Variants in MPO observed in about 807,000 individuals in gnomAD.
MPO encodes the protein myeloperoxidase.
In MPO, 57 loss-of-function variants were observed where a neutral mutation model predicts 69.4. That is an observed-to-expected ratio of 0.82 (90% CI 0.66 to 1.02). The LOEUF (loss-of-function observed/expected upper bound fraction) is 1.02. MPO is among the 50% of genes least tolerant of loss of function. MPO has a pLI of 0.00. For synonymous variants in MPO, 426 were observed against 417.1 expected, an observed-to-expected ratio of 1.02 and a Z score of -0.26; for missense variants, 971 against 1,014.1, an observed-to-expected ratio of 0.96 and a Z score of 0.58.
At position 58,279,177 on chromosome 17, in the gene MPO, G is replaced by T. The variant is rs139494856; in HGVS notation, c.716C>A (p.Thr239Asn). 1 of 1,610,944 alleles carries T rather than the reference G, an allele frequency of 6.2e-7. No homozygotes were observed. The highest frequency in any genetic ancestry group is 1.1e-5 in the South Asian group (1 of 90,414). Reference sequence around the variant, plus strand: ...CTCCTGGTCCGGAGTCAGCTGATCAGTGGGGAAGCGCACGATCTCGTTGGA... The same window carrying T: ...CTCCTGGTCCGGAGTCAGCTGATCATTGGGGAAGCGCACGATCTCGTTGGA... Reference protein sequence around the residue: ...AVSNEIVRFPTDQLTPDQERS... With the variant: ...AVSNEIVRFPNDQLTPDQERS... Residue 239 changes from threonine to asparagine, a missense_variant, in exon 6 of 12, where the codon ACT becomes AAT. Transcript: ENST00000225275.
intron 7 of MPO, among the ~76,000 whole-genome samples, chr17:58,276,419 C>A: frequency 1.3e-5 from 2 of 152,144 alleles, no homozygotes; most frequent in East Asian, 3.9e-4. Flanking sequence ...CTAAGCAGAT[C>A]CCCCCTGGTT....
At chr17:58,274,171 A>G (rs1369737923) in intron 8 of MPO, 10 of 500,558 alleles carry the variant, frequency 2.0e-5, no homozygotes, top group Admixed American at 1.2e-4. Context: ...GGCAGGAAGG[A>G]ACGAAGGGCC....
intron 5 of MPO, 41 bp downstream of exon 5, chr17:58,279,256 C>T (rs1039867936): frequency 1.9e-6 from 3 of 1,568,420 alleles, no homozygotes; most frequent in South Asian, 2.3e-5. Context: ...GTCCGCGCAC[C>T]GCGTGGCCGG....
chr17:58,272,903 A>G lies in MPO; in HGVS notation c.1637T>C (p.Ile546Thr). The change falls in exon 10 of 12, where the codon ATC (isoleucine) becomes ACC (threonine). Residue 546 changes from isoleucine to threonine, a missense_variant. By Grantham distance (89) the Ile-to-Thr change is moderately conservative (BLOSUM62 -1). Transcript: ENST00000225275. The stretch of plus-strand genomic sequence containing the variant: ...AGGGGTGGCCATGAGGCCCCGGAGG[A>G]TGGGGTCAATGCCACCTGGGGACCA... ...RVVLEGGIDP[I>T]LRGLMATPAK... is the part of the protein sequence containing the mutation. 1 of 1,614,086 alleles carries G rather than the reference A, an allele frequency of 6.2e-7. No individual in the cohort carries two copies. The highest frequency in any genetic ancestry group is 8.5e-7 in the Non-Finnish European group (1 of 1,180,038).
chr17:58,278,244 A>C (rs1156580424), intron 6 of MPO, 99 bp from the exon 7 acceptor site: 46 of 1,416,838 alleles, frequency 3.2e-5, no homozygotes, highest in Admixed American at 1.3e-4. Flanking sequence ...TGGTACCCTC[A>C]ACCTGCAGAG....
At chr17:58,276,520 G>A (rs768746568) in intron 7 of MPO, among the ~76,000 whole-genome samples, 1 of 152,208 alleles carries the variant, frequency 6.6e-6, no homozygotes, top group African/African-American at 2.4e-5. Flanking sequence ...AGAAGCTGGT[G>A]GAAAGGAAAT....
At position 58,273,364 on chromosome 17, in the gene MPO, C is replaced by A. The variant is rs766993334; in HGVS notation, c.1621+50G>T. 2.5e-6 allele frequency: 4 copies of A among 1,613,258 alleles called. No homozygotes were observed. The African/African-American group carries it at 4.0e-5, about 16-fold the overall frequency. On this transcript the variant is annotated intron_variant, in intron 9 of 11. Coordinates refer to ENST00000225275, the MANE Select transcript of MPO (RefSeq NM_000250.2). ...CTCCCTAGAGCCAAGGTGATCCCTA[C>A]CCCACCTTTAGCTGTCAGCCCACTC...
chr17:58,277,335 T>C (rs780562452), intron 7 of MPO, among the ~76,000 whole-genome samples: 4 of 152,222 alleles, frequency 2.6e-5, no homozygotes, highest in Non-Finnish European at 4.4e-5. Flanking sequence ...CACTAGACTG[T>C]AAGGCAATTG....
Position 58,280,355 on chromosome 17 carries a change from T to C in MPO, c.248+11A>G, listed in dbSNP as rs751109479. ...TCCTTGCCCAGAGCTGGGCAGTGCCTCGTGCCCCACCTTTCCCGCCGCTCC... is the reference window on the plus strand; with the variant it reads ...TCCTTGCCCAGAGCTGGGCAGTGCCCCGTGCCCCACCTTTCCCGCCGCTCC... On this transcript the variant is annotated intron_variant, in intron 2 of 11. Coordinates refer to ENST00000225275, the MANE Select transcript of MPO (RefSeq NM_000250.2). 1 of 1,613,412 alleles carries C rather than the reference T, an allele frequency of 6.2e-7. No homozygotes were observed. Among genetic ancestry groups the C allele is most frequent in the Admixed American group, 1.7e-5 (1 of 60,010 alleles).
rs1249821119 is a variant in MPO at position 58,278,268 on chromosome 17, C to A, written c.886-123G>T. 42 of 1,130,074 alleles carry A rather than the reference C, an allele frequency of 3.7e-5. 1 individual carries two copies. In the South Asian group the frequency reaches 6.2e-4, roughly 17 times the overall value. The allele number at this position is 1,130,074 out of a possible 1,614,324, so 70.0% of individuals were successfully genotyped here. On this transcript the variant is annotated intron_variant, in intron 6 of 11. Coordinates refer to ENST00000225275, the MANE Select transcript of MPO (RefSeq NM_000250.2). ...CAACCTGCAGAGAGGCCTCCGGAGG[C>A]CCGAAAGGGATCGCTGCCTAGGGCG...
intron 5 of MPO, 35 bp from the exon 6 acceptor site, chr17:58,279,249 C>G (rs562448843): frequency 1.3e-6 from 2 of 1,572,416 alleles, no homozygotes; most frequent in Admixed American, 1.9e-5. Flanking sequence ...CGCCTGGGTC[C>G]GCGCACCGCG....
chr17:58,278,635 G>C (rs1361055697), intron 6 of MPO, among the ~76,000 whole-genome samples: 2 of 152,110 alleles, frequency 1.3e-5, no homozygotes, highest in African/African-American at 4.8e-5. Flanking sequence ...CCCTCTCAGT[G>C]GGGCGGAAAC....
Position 58,277,850 on chromosome 17 carries a change from G to A in MPO, c.1181C>T (p.Ala394Val), listed in dbSNP as rs148905487. The A allele has an allele frequency of 4.4e-5, 71 of 1,605,550 alleles. No homozygotes were observed. In the African/African-American group the frequency reaches 7.3e-4, roughly 17 times the overall value. Residue 394 changes from alanine to valine, a missense_variant, in exon 7 of 12, where the codon GCG becomes GTG. Physicochemically the swap from Ala to Val is moderately conservative, Grantham distance 64. Transcript: ENST00000225275. ...DDPCLLTNRS[A>V]RIPCFLAGDT... ...ACCTGCCAGGAAGCAGGGGATGCGC[G>A]CTGAGCGGTTGGTGAGGAGACAGGG...
At position 58,271,842 on chromosome 17, in the gene MPO, C is replaced by T. The variant is rs551980616; in HGVS notation, c.1843G>A (p.Gly615Ser). 1 of 1,614,060 alleles carries T rather than the reference C, an allele frequency of 6.2e-7. No homozygotes were observed. The change falls in exon 11 of 12, where the codon GGC becomes AGC. Residue 615 changes from glycine to serine, a missense_variant. Coordinates refer to ENST00000225275, the MANE Select transcript of MPO (RefSeq NM_000250.2). ...FCGLPQPETVGQLGTVLRNLK... is the reference protein window; with the variant it reads ...FCGLPQPETVSQLGTVLRNLK... ...TTCCTCAGCACCGTGCCCAGCTGGC[C>T]CACAGTTTCAGGCTGCGGGAGCCCA... is the stretch of plus-strand genomic sequence containing the variant.
intron 11 of MPO, among the ~76,000 whole-genome samples, chr17:58,271,127 C>A (rs1173766499): frequency 2.0e-5 from 3 of 152,266 alleles, no homozygotes; most frequent in Non-Finnish European, 2.9e-5. Context: ...GGAGGGGGAC[C>A]CGGGCCCACA....
Position 58,275,429 on chromosome 17 carries a change from A to G in MPO, c.1365+113T>C. ...TATGTATTATAATCCTTACAGCCTC[A>G]TGGATGAAGAAGGCAAGGCTCAGGA... On this transcript the variant is annotated intron_variant, in intron 8 of 11. Coordinates refer to ENST00000225275, the MANE Select transcript of MPO (RefSeq NM_000250.2). The surrounding 1 kb of genome is among the most constrained non-coding windows in gnomAD (Gnocchi z 4.1). 3 of 1,345,552 alleles carry G rather than the reference A, an allele frequency of 2.2e-6. No homozygotes were observed. Among genetic ancestry groups the G allele is most frequent in the East Asian group, 4.6e-5 (2 of 43,170 alleles). The allele number at this position is 1,345,552 out of a possible 1,614,324, so 83.4% of individuals were successfully genotyped here. A position where few individuals can be genotyped will look rare whatever the true frequency, so the allele number is the denominator to read the frequency against.
chr17:58,279,257 G>C (rs966818166), intron 5 of MPO, 40 bp downstream of exon 5: 2 of 1,566,462 alleles, frequency 1.3e-6, no homozygotes, highest in Admixed American at 1.9e-5. Flanking sequence ...TCCGCGCACC[G>C]CGTGGCCGGG....
In MPO at chr17:58,280,915, C is replaced by T. The variant is rs1970510564; in HGVS notation, c.-157G>A. On this transcript the variant is annotated 5_prime_UTR_variant, in exon 1 of 12. Coordinates refer to ENST00000225275, the MANE Select transcript of MPO (RefSeq NM_000250.2). ...ATCCAGCTTCCAAGGACCCCACCTC[C>T]ACAGCTCACCTGATATTGTCAGCTC... 1.3e-6 allele frequency: 1 copy of T among 767,128 alleles called. No homozygotes were observed. The highest frequency in any genetic ancestry group is 2.7e-5 in the Admixed American group (1 of 36,630). 47.5% of individuals were successfully genotyped at this position (767,128 alleles called of 1,614,324 possible).
intron 9 of MPO, among the ~76,000 whole-genome samples, 165 bp from the exon 10 acceptor site, chr17:58,273,083 G>A (rs918073785): frequency 4.6e-5 from 7 of 152,242 alleles, no homozygotes; most frequent in South Asian, 2.1e-4. Flanking sequence ...GGTCCTCACC[G>A]GTCACTACAT....
Sources: gnomAD v4.1 joint callset for allele counts (sites outside exome capture counted in the v4.1 genomes callset) on GRCh38, gnomAD v4.1.1 for gene constraint, Gnocchi (gnomAD v3.1) non-coding constraint, MANE v1.5 for transcripts, NCBI Gene and HGNC (gene_info 2026-07-23, HGNC 2026-07-21) for gene names.